WDR45B: variants seen among roughly 807,000 people sequenced by gnomAD.
The protein encoded by WDR45B is WD repeat domain phosphoinositide-interacting protein 3.
Under a neutral mutation model 44.6 loss-of-function variants are expected in WDR45B, and 20 were observed. The observed-to-expected ratio is 0.45, with a 90% CI of 0.32 to 0.65. The LOEUF (loss-of-function observed/expected upper bound fraction) is 0.65. WDR45B is among the 30% of genes least tolerant of loss of function. WDR45B has a pLI of 0.05. For synonymous variants in WDR45B, 169 were observed against 164.9 expected (o/e 1.02, Z -0.19); for missense variants, 323 against 430.2 (o/e 0.75, Z 2.20).
At chr17:82,646,097 G>T (rs2045971716) in intron 1 of WDR45B, among the ~76,000 whole-genome samples, 1 of 151,352 alleles carries the variant, frequency 6.6e-6, no homozygotes, top group Non-Finnish European at 1.5e-5. Context: ...CTCCAGCCTG[G>T]GCAAGAGCAA....
intron 6 of WDR45B, among the ~76,000 whole-genome samples, chr17:82,620,323 C>T (rs1252448993): frequency 1.3e-5 from 2 of 152,162 alleles, no homozygotes; most frequent in African/African-American, 2.4e-5. Context: ...CACCCAGCTA[C>T]TCGGGAGGTG....
chr17:82,642,513 C>G (rs888997998), intron 2 of WDR45B, among the ~76,000 whole-genome samples: 4 of 152,216 alleles, frequency 2.6e-5, no homozygotes, highest in Non-Finnish European at 2.9e-5. Flanking sequence ...GGGAGCCGCT[C>G]CAGCACATTA....
At chr17:82,621,187 G>A (rs548603878) in intron 6 of WDR45B, among the ~76,000 whole-genome samples, 1 of 152,000 alleles carries the variant, frequency 6.6e-6, no homozygotes, top group South Asian at 2.1e-4. Context: ...CCGAGTAGCT[G>A]GGATTACAGG....
intron 6 of WDR45B, 78 bp downstream of exon 6, chr17:82,621,531 T>C (rs541970217): frequency 1.9e-6 from 3 of 1,597,666 alleles, no homozygotes; most frequent in East Asian, 2.2e-5. Context: ...CTTTTGAGTC[T>C]TGATACAGGG....
chr17:82,624,035 T>C (rs1294515189), intron 5 of WDR45B, among the ~76,000 whole-genome samples: 3 of 152,120 alleles, frequency 2.0e-5, no homozygotes. Flanking sequence ...ACAACATGGT[T>C]GTGACCGGGC....
intron 1 of WDR45B, among the ~76,000 whole-genome samples, chr17:82,644,997 C>A (rs1472683528): frequency 6.6e-6 from 1 of 152,152 alleles, no homozygotes; most frequent in Non-Finnish European, 1.5e-5. Flanking sequence ...CTACCCTCCA[C>A]TAAAAATACA....
chr17:82,638,436 C>T (rs1290918206), intron 2 of WDR45B, among the ~76,000 whole-genome samples: 5 of 151,410 alleles, frequency 3.3e-5, no homozygotes, highest in Non-Finnish European at 5.9e-5. Flanking sequence ...TGGGAGTTAC[C>T]GGCCAGGGTG....
chr17:82,628,817 T>C (rs565904521), intron 3 of WDR45B, among the ~76,000 whole-genome samples: 5 of 151,894 alleles, frequency 3.3e-5, no homozygotes, highest in South Asian at 2.1e-4. Flanking sequence ...GTGGGCAACA[T>C]GTGGAAACGC....
At chr17:82,625,339 T>C (rs371646266) in intron 5 of WDR45B, 50 bp downstream of exon 5, 14 of 1,555,004 alleles carry the variant, frequency 9.0e-6, no homozygotes, top group Non-Finnish European at 1.2e-5. Flanking sequence ...AGCACAGGCA[T>C]CTCCATGTGG....
At chr17:82,641,304 A>G (rs1317233503) in intron 2 of WDR45B, among the ~76,000 whole-genome samples, 1 of 152,192 alleles carries the variant, frequency 6.6e-6, no homozygotes, top group Non-Finnish European at 1.5e-5. Context: ...AATTTACTGT[A>G]AACACTTCAT....
chr17:82,637,782 C>G (rs561531920), intron 2 of WDR45B, among the ~76,000 whole-genome samples: 3 of 151,976 alleles, frequency 2.0e-5, no homozygotes, highest in Non-Finnish European at 2.9e-5. Flanking sequence ...GCTCTCTGAA[C>G]CCCGTCTCCT....
intron 2 of WDR45B, among the ~76,000 whole-genome samples, chr17:82,637,171 C>T (rs1391467273): frequency 2.0e-5 from 3 of 151,980 alleles, no homozygotes; most frequent in Non-Finnish European, 2.9e-5. Context: ...TTTATACCCA[C>T]AAAAAGAAGA....
chr17:82,625,543 G>T, intron 4 of WDR45B, 60 bp from the exon 5 acceptor site: 1 of 1,439,714 alleles, frequency 6.9e-7, no homozygotes, highest in Non-Finnish European at 9.8e-7. Context: ...AACATTTTAT[G>T]CTCCTGTTCT....
chr17:82,634,436 C>T (rs948277677), intron 2 of WDR45B, among the ~76,000 whole-genome samples: 21 of 151,850 alleles, frequency 1.4e-4, no homozygotes, highest in Non-Finnish European at 2.1e-4. Flanking sequence ...TGCAGTGAGC[C>T]GAGATCTCGC....
chr17:82,628,858 G>T (rs1281646661), intron 3 of WDR45B, among the ~76,000 whole-genome samples: 1 of 152,024 alleles, frequency 6.6e-6, no homozygotes, highest in Non-Finnish European at 1.5e-5. Flanking sequence ...AAGGTAGCCG[G>T]GTGTGGTGGG....
At chr17:82,622,606 G>C (rs933827086) in intron 5 of WDR45B, among the ~76,000 whole-genome samples, 3 of 151,936 alleles carry the variant, frequency 2.0e-5, no homozygotes, top group African/African-American at 7.3e-5. Context: ...CTAATTTTTT[G>C]TATTTTTAGT....
At chr17:82,634,176 G>T (rs1314277454) in intron 2 of WDR45B, among the ~76,000 whole-genome samples, 1 of 88,430 alleles carries the variant, frequency 1.1e-5, no homozygotes, top group Non-Finnish European at 2.5e-5. Flanking sequence ...AAAAAAAAAG[G>T]CTGATTTTTA....
In WDR45B at chr17:82,635,426, GTTTT is replaced by G. The variant is rs35735710; in HGVS notation, c.143-4408_143-4405del. On this transcript the variant is annotated intron_variant, in intron 2 of 9. Transcript: ENST00000392325. ...TTGATTATATCATAAGTCTTTTCAG[GTTTT>G]TTTTTTTTTTTTGAGATGGAGTTTT... Among the ~76,000 whole-genome samples the G allele has an allele frequency of 2.2e-5, 3 of 135,640 alleles. No individual in the cohort carries two copies. The South Asian group carries it at 7.1e-4, about 32-fold the overall frequency. The allele number at this position is 135,640 out of a possible 152,430, so 89.0% of individuals were successfully genotyped here.
Position 82,621,939 on chromosome 17 carries a change from T to C in WDR45B, c.428-140A>G, listed in dbSNP as rs886825606. The stretch of plus-strand genomic sequence containing the variant: ...CAGAACCACAAATTCAATTTAAAGA[T>C]TTTTCATTGTAAATAAAGAGTATGA... On this transcript the variant is annotated intron_variant, in intron 5 of 9. Transcript: ENST00000392325. The C allele has an allele frequency of 2.9e-6, 3 of 1,041,774 alleles. No individual in the cohort carries two copies. In the African/African-American group the frequency reaches 4.8e-5, roughly 17 times the overall value. The allele number at this position is 1,041,774 out of a possible 1,614,324, so 64.5% of individuals were successfully genotyped here.
Sources: gnomAD v4.1 joint callset for allele counts (sites outside exome capture counted in the v4.1 genomes callset) on GRCh38, gnomAD v4.1.1 for gene constraint, MANE v1.5 for transcripts, NCBI Gene and HGNC (gene_info 2026-07-23, HGNC 2026-07-21) for gene names.